The following SEMA3C variants were observed in gnomAD, a reference collection of about 807,000 sequenced individuals.
SEMA3C encodes semaphorin 3C.
Under a neutral mutation model 89.4 loss-of-function variants are expected in SEMA3C, and 47 were observed. The observed-to-expected ratio is 0.53, with a 90% confidence interval of 0.42 to 0.67. The LOEUF (loss-of-function observed/expected upper bound fraction) is 0.67. Ranked by LOEUF, SEMA3C falls within the 30% of genes least tolerant of loss-of-function variation. The pLI, the probability that SEMA3C is intolerant of heterozygous loss-of-function variation, is 0.00. For missense variants in SEMA3C, 839 were observed against 929.1 expected, an observed-to-expected ratio of 0.90 and a Z score of 1.26; for synonymous variants, 310 against 320.2, an observed-to-expected ratio of 0.97 and a Z score of 0.34.
intron 12 of SEMA3C, among the ~76,000 whole-genome samples, chr7:80,765,770 G>GT (rs1788286607): frequency 6.6e-6 from 1 of 151,996 alleles, no homozygotes; most frequent in Non-Finnish European, 1.5e-5. Flanking sequence ...TAGAGACGGG[G>GT]GTTTCACCAT....
rs111229758 is a variant in SEMA3C, at chr7:80,797,852, G to C, written c.1131+240C>G. ...GTCTCTACTAAAAACACAAAAATTAGCCGGGCATGGTGGTGCATGCTTGTA... is the reference window on the plus strand; with the variant it reads ...GTCTCTACTAAAAACACAAAAATTACCCGGGCATGGTGGTGCATGCTTGTA... On this transcript the variant is annotated intron_variant, in intron 11 of 17. Coordinates refer to ENST00000265361, the MANE Select transcript of SEMA3C (RefSeq NM_006379.5). Among the ~76,000 whole-genome samples, 2,829 of 152,152 alleles carry C rather than the reference G, an allele frequency of 0.019. 82 individuals carry two copies. Among genetic ancestry groups the C allele is most frequent in the African/African-American group, 0.053 (2,190 of 41,492 alleles).
chr7:80,853,129 G>A (rs1790555234), intron 2 of SEMA3C, among the ~76,000 whole-genome samples: 1 of 152,134 alleles, frequency 6.6e-6, no homozygotes, highest in South Asian at 2.1e-4. Flanking sequence ...ACGAATGCTG[G>A]CGAGGATGTG....
intron 2 of SEMA3C, among the ~76,000 whole-genome samples, chr7:80,897,885 A>C (rs577249539): frequency 6.6e-6 from 1 of 152,340 alleles, no homozygotes; most frequent in East Asian, 1.9e-4. Flanking sequence ...ATAAATACAT[A>C]ATAAAGCTAT....
At chr7:80,865,934 C>G (rs2116020875) in intron 2 of SEMA3C, among the ~76,000 whole-genome samples, 1 of 152,304 alleles carries the variant, frequency 6.6e-6, no homozygotes, top group East Asian at 1.9e-4. Flanking sequence ...TAATTCCTTA[C>G]ATTATAGTTA....
chr7:80,890,526 C>T (rs1791586267), intron 2 of SEMA3C, among the ~76,000 whole-genome samples: 1 of 152,086 alleles, frequency 6.6e-6, no homozygotes, highest in South Asian at 2.1e-4. Context: ...TTGCTTTTTA[C>T]TTGAGGTTTG....
chr7:80,865,096 A>G (rs1399722910), intron 2 of SEMA3C, among the ~76,000 whole-genome samples: 2 of 152,192 alleles, frequency 1.3e-5, no homozygotes, highest in African/African-American at 4.8e-5. Context: ...ACTCTGGTGC[A>G]GTATTAATTT....
intron 17 of SEMA3C, among the ~76,000 whole-genome samples, chr7:80,746,924 A>G (rs1393235409): frequency 6.6e-6 from 1 of 152,102 alleles, no homozygotes; most frequent in Non-Finnish European, 1.5e-5. Flanking sequence ...TTTTCACTTT[A>G]TGCTACTTAG....
At chr7:80,891,007 G>A (rs1791598475) in intron 2 of SEMA3C, among the ~76,000 whole-genome samples, 1 of 152,096 alleles carries the variant, frequency 6.6e-6, no homozygotes, top group Non-Finnish European at 1.5e-5. Flanking sequence ...ACAATTAAAA[G>A]CCTTCCAGGA....
chr7:80,774,537 T>C (rs759997580), intron 12 of SEMA3C, among the ~76,000 whole-genome samples: 5 of 151,940 alleles, frequency 3.3e-5, no homozygotes, highest in Non-Finnish European at 5.9e-5. Flanking sequence ...CCAAACAAAA[T>C]GGAAATTTTA....
chr7:80,840,547 C>T (rs371713476), intron 2 of SEMA3C, among the ~76,000 whole-genome samples: 3 of 140,990 alleles, frequency 2.1e-5, no homozygotes, highest in Non-Finnish European at 1.5e-5. Context: ...AAAAAAAGAG[C>T]GAGAGAGAGA....
At chr7:80,858,782 G>T (rs1484960863) in intron 2 of SEMA3C, among the ~76,000 whole-genome samples, 2 of 152,134 alleles carry the variant, frequency 1.3e-5, no homozygotes, top group Admixed American at 1.3e-4. Context: ...TGACCTTGGA[G>T]TGTTTAATTA....
rs184583492 is a variant in SEMA3C at position 80,827,350 on chromosome 7, C to T, written c.327+75G>A. The T allele has an allele frequency of 3.7e-4, 527 of 1,406,978 alleles. 1 individual carries two copies. The African/African-American group carries it at 6.1e-3, about 16-fold the overall frequency. The allele number at this position is 1,406,978 out of a possible 1,614,324, so 87.2% of individuals were successfully genotyped here. On this transcript the variant is annotated intron_variant, in intron 4 of 17. Transcript: ENST00000265361. ...CCATCCTTGTCTCATTTTTGGCTTC[C>T]CTCAAAGTACATGGATTCGAAAACC...
intron 11 of SEMA3C, among the ~76,000 whole-genome samples, chr7:80,797,563 G>T (rs1337732905): frequency 6.6e-6 from 1 of 151,984 alleles, no homozygotes; most frequent in African/African-American, 2.4e-5. Context: ...CATCTCATTT[G>T]TTGTAATTAT....
intron 2 of SEMA3C, among the ~76,000 whole-genome samples, chr7:80,897,512 A>C (rs1236451040): frequency 6.6e-6 from 1 of 152,194 alleles, no homozygotes; most frequent in Non-Finnish European, 1.5e-5. Context: ...ACCAGAGAAG[A>C]AAAGCAAAGG....
At chr7:80,827,762 T>C (rs914092385) in intron 3 of SEMA3C, among the ~76,000 whole-genome samples, 1 of 152,170 alleles carries the variant, frequency 6.6e-6, no homozygotes, top group Non-Finnish European at 1.5e-5. Context: ...ATTATTAACA[T>C]AAATGTGAAC....
chr7:80,778,714 C>A (rs903628627), intron 12 of SEMA3C, among the ~76,000 whole-genome samples: 2 of 152,120 alleles, frequency 1.3e-5, no homozygotes, highest in African/African-American at 4.8e-5. Context: ...ATTCTCCTGG[C>A]AAATGTTACT....
At chr7:80,807,355 A>T (rs1789365818) in intron 6 of SEMA3C, among the ~76,000 whole-genome samples, 1 of 152,150 alleles carries the variant, frequency 6.6e-6, no homozygotes, top group African/African-American at 2.4e-5. Flanking sequence ...CCTACTTCAT[A>T]CCACCTTATT....
chr7:80,747,274 G>A (rs1787824135), intron 17 of SEMA3C, among the ~76,000 whole-genome samples: 1 of 151,966 alleles, frequency 6.6e-6, no homozygotes, highest in Non-Finnish European at 1.5e-5. Context: ...AATATTATTA[G>A]AGAGAATAAA....
In SEMA3C at chr7:80,916,663, T is replaced by G; in HGVS notation, c.103+16A>C. On this transcript the variant is annotated intron_variant, in intron 2 of 17. Coordinates refer to ENST00000265361, the MANE Select transcript of SEMA3C (RefSeq NM_006379.5). ...TAAAATAACATTTTTCCCAGAGTGT[T>G]TATCAACTCTCTTACCATCAAATGT... The G allele has an allele frequency of 6.2e-7, 1 of 1,600,406 alleles. No homozygotes were observed. Among genetic ancestry groups the G allele is most frequent in the Non-Finnish European group, 8.5e-7 (1 of 1,174,648 alleles).
Sources: allele counts gnomAD v4.1 joint callset (sites outside exome capture counted in the v4.1 genomes callset), GRCh38; gene constraint gnomAD v4.1.1; transcripts MANE v1.5; gene names NCBI Gene and HGNC (gene_info 2026-07-23, HGNC 2026-07-21).